The following EHMT1 variants were observed in gnomAD, a reference collection of about 807,000 sequenced individuals.
EHMT1 encodes the protein histone-lysine N-methyltransferase EHMT1.
Under a neutral mutation model 147.2 loss-of-function variants are expected in EHMT1, and 15 were observed. The ratio of observed to expected loss-of-function variants is 0.10; its 90% CI spans 0.07 to 0.16. The LOEUF (loss-of-function observed/expected upper bound fraction) is 0.16, where lower values mean the gene tolerates loss of function less well. Among genes scored for constraint, EHMT1 ranks in the 10% least tolerant of loss-of-function variants. The pLI is 1.00. For missense variants in EHMT1, 1,587 were observed against 1,772.4 expected (o/e 0.90, Z 1.88); for synonymous variants, 795 against 709.6 (o/e 1.12, Z -1.91).
At chr9:137,808,466 G>A (rs943510371) in intron 18 of EHMT1, among the ~76,000 whole-genome samples, 1 of 152,064 alleles carries the variant, frequency 6.6e-6, no homozygotes, top group Non-Finnish European at 1.5e-5. Context: ...TGACTGTTTT[G>A]TTTTACTCTT....
intron 1 of EHMT1, among the ~76,000 whole-genome samples, chr9:137,702,591 T>C (rs1943930070): frequency 6.6e-6 from 1 of 152,142 alleles, no homozygotes; most frequent in East Asian, 1.9e-4. Flanking sequence ...CTGCAGCTGC[T>C]TTCATGGGCT....
At chr9:137,691,518 C>T (rs1191304600) in intron 1 of EHMT1, among the ~76,000 whole-genome samples, 2 of 151,918 alleles carry the variant, frequency 1.3e-5, no homozygotes, top group South Asian at 2.1e-4. Flanking sequence ...TTTGTTTGTC[C>T]ATTAGTGGAT....
intron 3 of EHMT1, among the ~76,000 whole-genome samples, chr9:137,722,121 C>T (rs1475455211): frequency 2.0e-5 from 3 of 152,000 alleles, no homozygotes; most frequent in Non-Finnish European, 4.4e-5. Context: ...TTAAAACTCA[C>T]GTTAGAAACT....
intron 10 of EHMT1, among the ~76,000 whole-genome samples, chr9:137,766,298 T>C (rs1369749819): frequency 6.6e-6 from 1 of 152,190 alleles, no homozygotes; most frequent in Non-Finnish European, 1.5e-5. Context: ...TTATTCATTG[T>C]TCACTGGAAT....
chr9:137,624,958 C>T lies in EHMT1; in HGVS notation c.21+5909C>T, dbSNP rs555877080. Among the ~76,000 whole-genome samples, 40 of 151,860 alleles carry T rather than the reference C, an allele frequency of 2.6e-4. No homozygotes were observed. The East Asian group carries it at 3.9e-3, about 15-fold the overall frequency. ...AGTGCAGTGACGCGATTGGGTTCAC[C>T]GCAACCTCCACCTCCTGGGTTCAAG... On this transcript the variant is annotated intron_variant, in intron 1 of 26. Transcript: ENST00000460843.
intron 15 of EHMT1, chr9:137,789,166 G>A (rs1952284852): frequency 6.6e-6 from 1 of 152,420 alleles, no homozygotes; most frequent in Non-Finnish European, 1.5e-5. Flanking sequence ...GTTTCCTGTG[G>A]GCCGCCGAGA....
intron 1 of EHMT1, among the ~76,000 whole-genome samples, chr9:137,709,456 G>A (rs1226310460): frequency 6.6e-6 from 1 of 152,174 alleles, no homozygotes; most frequent in Non-Finnish European, 1.5e-5. Context: ...CAGCTCCTGG[G>A]GAGGGTGATG....
Position 137,701,815 on chromosome 9 carries a change from C to T in EHMT1, c.22-9152C>T, listed in dbSNP as rs560057477. ...GTTAAATTTTTTTTTTTTTTTGAGA[C>T]GGAGTTTTGCTTTTGTCGCCCAGGC... On this transcript the variant is annotated intron_variant, in intron 1 of 26. Coordinates refer to ENST00000460843, the MANE Select transcript of EHMT1 (RefSeq NM_024757.5). Among the ~76,000 whole-genome samples, 864 of 93,496 alleles carry T rather than the reference C, an allele frequency of 9.2e-3. 11 individuals carry two copies. The highest frequency in any genetic ancestry group is 0.015 in the Non-Finnish European group (673 of 45,710). 61.3% of individuals were successfully genotyped at this position (93,496 alleles called of 152,430 possible).
chr9:137,688,054 T>TA (rs1942611202), intron 1 of EHMT1, among the ~76,000 whole-genome samples: 1 of 152,214 alleles, frequency 6.6e-6, no homozygotes, highest in South Asian at 2.1e-4. Flanking sequence ...GATGGAGTCT[T>TA]ACTCTGTTGC....
intron 1 of EHMT1, among the ~76,000 whole-genome samples, chr9:137,702,163 C>T (rs1052861514): frequency 2.0e-5 from 3 of 152,104 alleles, no homozygotes; most frequent in Non-Finnish European, 2.9e-5. Context: ...CTCCTGACCT[C>T]ATGATCCACC....
At chr9:137,669,318 G>C (rs1195651549) in intron 1 of EHMT1, among the ~76,000 whole-genome samples, 2 of 141,838 alleles carry the variant, frequency 1.4e-5, no homozygotes, top group Non-Finnish European at 3.0e-5. Flanking sequence ...CCCCTGGAAA[G>C]ACGCCCCCAC....
chr9:137,712,339 C>A (rs535520640), intron 2 of EHMT1, among the ~76,000 whole-genome samples: 2 of 152,198 alleles, frequency 1.3e-5, no homozygotes, highest in Admixed American at 6.5e-5. Flanking sequence ...TACACACTGC[C>A]GCTGAGCCAC....
At chr9:137,652,409 C>T (rs74528753) in intron 1 of EHMT1, among the ~76,000 whole-genome samples, 1 of 149,686 alleles carries the variant, frequency 6.7e-6, no homozygotes, top group Non-Finnish European at 1.5e-5. Flanking sequence ...TTTTTTGAGA[C>T]GGAGTCTCAC....
chr9:137,719,258 C>T (rs992629200), intron 3 of EHMT1, among the ~76,000 whole-genome samples: 1 of 152,090 alleles, frequency 6.6e-6, no homozygotes, highest in African/African-American at 2.4e-5. Flanking sequence ...ATCTTTGTTT[C>T]TGTCATAGTG....
chr9:137,826,378 G>T (rs759862191), intron 25 of EHMT1, among the ~76,000 whole-genome samples: 1 of 152,182 alleles, frequency 6.6e-6, no homozygotes, highest in Non-Finnish European at 1.5e-5. Context: ...GGGTCACCCC[G>T]GTCCACTTCC....
chr9:137,752,459 A>G, intron 7 of EHMT1, 51 bp downstream of exon 7: 1 of 1,589,178 alleles, frequency 6.3e-7, no homozygotes, highest in Non-Finnish European at 8.6e-7. Flanking sequence ...AGGAGATGCA[A>G]AGACACCAGC....
At position 137,732,542 on chromosome 9, in the gene EHMT1, G is replaced by T. The variant is rs1947200656; in HGVS notation, c.823+4013G>T. Among the ~76,000 whole-genome samples, 1 of 152,190 alleles carries T rather than the reference G, an allele frequency of 6.6e-6. No homozygotes were observed. The highest frequency in any genetic ancestry group is 2.4e-5 in the African/African-American group (1 of 41,444). ...TGGCTGAGTCTGGGGGTTTATGTGG[G>T]CTCAGAATGGAGGAAGTGCATGAAG... On this transcript the variant is annotated intron_variant, in intron 4 of 26. Coordinates refer to ENST00000460843, the MANE Select transcript of EHMT1 (RefSeq NM_024757.5). This position sits in a 1 kb window ranked among gnomAD's most constrained non-coding sequence, Gnocchi z 4.6.
Position 137,782,858 on chromosome 9 carries a change from ACT to A in EHMT1, c.2382+464_2382+465del, listed in dbSNP as rs1378955059. ...GCTTGTGTTTCTGTTGGTTGAGTTG[ACT>A]CTGCCACCTGCTAATTTATTCTGAA... On this transcript the variant is annotated intron_variant, in intron 15 of 26. Coordinates refer to ENST00000460843, the MANE Select transcript of EHMT1 (RefSeq NM_024757.5). The surrounding 1 kb of genome is among the most constrained non-coding windows in gnomAD (Gnocchi z 5.7). Among the ~76,000 whole-genome samples, 1 of 151,530 alleles carries A rather than the reference ACT, an allele frequency of 6.6e-6. No homozygotes were observed. Among genetic ancestry groups the A allele is most frequent in the Non-Finnish European group, 1.5e-5 (1 of 67,896 alleles).
intron 1 of EHMT1, among the ~76,000 whole-genome samples, chr9:137,661,227 C>A (rs906325908): frequency 1.2e-4 from 19 of 152,258 alleles, no homozygotes; most frequent in African/African-American, 4.6e-4. Context: ...TTTGCTTTAT[C>A]ATTCTATATA....
Sources: gnomAD v4.1 joint callset for allele counts (sites outside exome capture counted in the v4.1 genomes callset) on GRCh38, gnomAD v4.1.1 for gene constraint, Gnocchi (gnomAD v3.1) non-coding constraint, MANE v1.5 for transcripts, NCBI Gene and HGNC (gene_info 2026-07-23, HGNC 2026-07-21) for gene names.